The following MDK variants were observed in gnomAD, a reference collection of about 807,000 sequenced individuals.
MDK encodes midkine.
Under a neutral mutation model 18.9 loss-of-function variants are expected in MDK, and 17 were observed. The observed-to-expected ratio is 0.90, with a 90% confidence interval of 0.62 to 1.35. The LOEUF is 1.35. Among genes scored for constraint, MDK ranks in the 40% most tolerant of loss-of-function variants. The pLI is 0.00. For missense variants in MDK, 180 were observed against 186.3 expected, an observed-to-expected ratio of 0.97 and a Z score of 0.20; for synonymous variants, 86 against 74.3, an observed-to-expected ratio of 1.16 and a Z score of -0.81.
intron 4 of MDK, 95 bp from the exon 5 acceptor site, chr11:46,383,371 TCTC>T (rs1945278532): frequency 2.1e-6 from 2 of 939,932 alleles, no homozygotes; most frequent in South Asian, 1.6e-5. Flanking sequence ...GGCAGAATCT[TCTC>T]CTTCCCTGAT....
upstream of MDK, chr11:46,381,302 A>G (rs35324223): frequency 0.33 from 50,170 of 152,198 alleles, 13,938 homozygotes; most frequent in African/African-American, 0.77. Flanking sequence ...AGAGAAGCTG[A>G]GGCCTGAGAA....
At chr11:46,382,772 G>A in intron 4 of MDK, 24 bp downstream of exon 4, 2 of 1,568,968 alleles carry the variant, frequency 1.3e-6, no homozygotes, top group Non-Finnish European at 1.7e-6. Flanking sequence ...GAAGGGGGTG[G>A]GGCTGTCGCG....
intron 4 of MDK, 100 bp from the exon 5 acceptor site, chr11:46,383,369 C>G: frequency 1.1e-6 from 1 of 923,680 alleles, no homozygotes; most frequent in South Asian, 1.6e-5. Flanking sequence ...GGGGCAGAAT[C>G]TTCTCCTTCC....
chr11:46,382,868 A>G, intron 4 of MDK, 120 bp downstream of exon 4: 1 of 1,152,048 alleles, frequency 8.7e-7, no homozygotes, highest in Non-Finnish European at 1.2e-6. Context: ...TGGCTTCCTG[A>G]CATCGCCTCA....
chr11:46,382,990 C>CCATTGG lies in MDK; in HGVS notation c.406+243_406+248dup, dbSNP rs1409392247. On this transcript the variant is annotated intron_variant, in intron 4 of 4. Coordinates refer to ENST00000395566, the MANE Select transcript of MDK (RefSeq NM_002391.6). ...CAAATAGGGACCAACTCAAACTACT[C>CCATTGG]CATTGGAGCATCTGGCTTAGGACCC... 4 of 576,376 alleles carry CCATTGG rather than the reference C, an allele frequency of 6.9e-6. No individual in the cohort carries two copies. The African/African-American group carries it at 7.5e-5, about 11-fold the overall frequency. The allele number at this position is 576,376 out of a possible 1,614,324, so 35.7% of individuals were successfully genotyped here. A position where few individuals can be genotyped will look rare whatever the true frequency, so the allele number is the denominator to read the frequency against.
rs1458629988 is a variant in MDK at position 46,382,418 on chromosome 11, C to T, written c.201C>T (p.Arg67=). The change falls in exon 3 of 5, where the codon CGC becomes CGT. Residue 67 remains arginine, a synonymous_variant. Coordinates refer to ENST00000395566, the MANE Select transcript of MDK (RefSeq NM_002391.6). ...GCACCTGCGGGGCCCAGACCCAGCG[C>T]ATCCGGTGCAGGGTGCCCTGCAACT... The part of the protein sequence containing the change: ...REGTCGAQTQ[R]IRCRVPCNWK... 6.5e-7 allele frequency: 1 copy of T among 1,538,354 alleles called. No homozygotes were observed. The highest frequency in any genetic ancestry group is 8.7e-7 in the Non-Finnish European group (1 of 1,143,388).
At chr11:46,382,264 G>C in intron 2 of MDK, 30 bp from the exon 3 acceptor site, 1 of 1,606,328 alleles carries the variant, frequency 6.2e-7, no homozygotes, top group Non-Finnish European at 8.5e-7. Context: ...CCGTGCCCCA[G>C]TCCTGAACTC....
intron 2 of MDK, 49 bp from the exon 3 acceptor site, chr11:46,382,245 G>A (rs1019947035): frequency 2.5e-6 from 4 of 1,604,262 alleles, no homozygotes; most frequent in Non-Finnish European, 2.6e-6. Flanking sequence ...GGCTCCCGAG[G>A]GAGTCTCCCC....
At chr11:46,382,201 C>A (rs1314879661) in intron 2 of MDK, 68 bp downstream of exon 2, 1 of 1,605,026 alleles carries the variant, frequency 6.2e-7, no homozygotes. Flanking sequence ...TGGGCTGGGC[C>A]GCCTGGGTTC....
upstream of MDK, chr11:46,381,296 A>T (rs1407500612): frequency 6.6e-6 from 1 of 152,228 alleles, no homozygotes; most frequent in Non-Finnish European, 1.5e-5. Flanking sequence ...CAGGCAAGAG[A>T]AGCTGAGGCC....
Position 46,382,310 on chromosome 11 carries a change from C to A in MDK, c.93C>A (p.Gly31=). The A allele has an allele frequency of 6.2e-7, 1 of 1,608,060 alleles. No homozygotes were observed. Among genetic ancestry groups the A allele is most frequent in the Non-Finnish European group, 8.5e-7 (1 of 1,178,108 alleles). The change falls in exon 3 of 5, where the codon GGC becomes GGA. Residue 31 remains glycine, a synonymous_variant. Coordinates refer to ENST00000395566, the MANE Select transcript of MDK (RefSeq NM_002391.6). ...VAKKKDKVKK[G]GPGSECAEWA... is the part of the protein sequence containing the mutation. ...GCGTTGTAGATAAGGTGAAGAAGGG[C>A]GGCCCGGGGAGCGAGTGCGCTGAGT...
Position 46,383,552 on chromosome 11 carries a change from T to A in MDK, c.*58T>A. The A allele has an allele frequency of 1.3e-6, 2 of 1,531,046 alleles. No individual in the cohort carries two copies. Among genetic ancestry groups the A allele is most frequent in the Non-Finnish European group, 1.8e-6 (2 of 1,105,602 alleles). The allele number at this position is 1,531,046 out of a possible 1,614,324, so 94.8% of individuals were successfully genotyped here. A position where few individuals can be genotyped will look rare whatever the true frequency, so the allele number is the denominator to read the frequency against. ...GTCACATGGGGCCTGGCCCACGCCC[T>A]CCCTCTCCCAGGCCCGAGATGTGAC... On this transcript the variant is annotated 3_prime_UTR_variant, in exon 5 of 5. Coordinates refer to ENST00000395566, the MANE Select transcript of MDK (RefSeq NM_002391.6).
At position 46,382,619 on chromosome 11, in the gene MDK, G is replaced by A; in HGVS notation, c.277G>A (p.Ala93Thr). 8 of 1,612,548 alleles carry A rather than the reference G, an allele frequency of 5.0e-6. No individual in the cohort carries two copies. The highest frequency in any genetic ancestry group is 6.8e-6 in the Non-Finnish European group (8 of 1,179,720). Residue 93 changes from alanine (A) to threonine (T), a missense_variant, in exon 4 of 5, where the codon GCG (alanine) becomes ACG (threonine). Physicochemically the swap from Ala to Thr is moderately conservative, Grantham distance 58 (BLOSUM62 0). Coordinates refer to ENST00000395566, the MANE Select transcript of MDK (RefSeq NM_002391.6). ...CAAGTACAAGTTTGAGAACTGGGGT[G>A]CGTGTGATGGGGGCACAGGCACCAA... ...DCKYKFENWG[A>T]CDGGTGTKVR...
rs1370759061 is a variant in MDK at position 46,383,638 on chromosome 11, C to G, written c.*144C>G. On this transcript the variant is annotated 3_prime_UTR_variant, in exon 5 of 5. Coordinates refer to ENST00000395566, the MANE Select transcript of MDK (RefSeq NM_002391.6). ...CAATCATGCCCTGCCTTGTCCCTCT[C>G]ACTCCCCAGCCCCACCCCTAAGTGC... is the stretch of plus-strand genomic sequence containing the variant. The G allele has an allele frequency of 1.3e-6, 1 of 793,090 alleles. No homozygotes were observed. The highest frequency in any genetic ancestry group is 2.2e-6 in the Non-Finnish European group (1 of 459,694). The allele number at this position is 793,090 out of a possible 1,614,324, so 49.1% of individuals were successfully genotyped here. A position where few individuals can be genotyped will look rare whatever the true frequency, so the allele number is the denominator to read the frequency against.
upstream of MDK, chr11:46,381,633 G>C (rs1185277490): frequency 7.0e-6 from 1 of 143,472 alleles, no homozygotes; most frequent in Non-Finnish European, 1.5e-5. Flanking sequence ...CCCTGGGGGG[G>C]TGGGGAGAGG....
chr11:46,381,860 G>T, intron 1 of MDK, 102 bp downstream of exon 1: 1 of 577,050 alleles, frequency 1.7e-6, no homozygotes, highest in South Asian at 2.2e-5. Context: ...GGCTCGAGGC[G>T]TCCCCCGGGG....
chr11:46,382,779 C>A, intron 4 of MDK, 31 bp downstream of exon 4: 2 of 911,474 alleles, frequency 2.2e-6, no homozygotes, highest in South Asian at 1.6e-5. Context: ...GTGGGGCTGT[C>A]GCGGGGGGCT....
intron 4 of MDK, 175 bp downstream of exon 4, chr11:46,382,923 A>G: frequency 2.8e-6 from 2 of 723,716 alleles, no homozygotes. Context: ...GCACTACAAG[A>G]GAGGCCGCAG....
At chr11:46,381,822 C>T (rs940443018) in intron 1 of MDK, 64 bp downstream of exon 1, 5 of 300,738 alleles carry the variant, frequency 1.7e-5, no homozygotes, top group Non-Finnish European at 2.7e-5. Flanking sequence ...GGGCTGGAGG[C>T]GGGGGTGGGG....
Sources: gnomAD v4.1 joint callset for allele counts on GRCh38, gnomAD v4.1.1 for gene constraint, MANE v1.5 for transcripts, NCBI Gene and HGNC (gene_info 2026-07-23, HGNC 2026-07-21) for gene names.